The following PRKDC variants were observed in gnomAD, a reference collection of about 807,000 sequenced individuals.
PRKDC encodes DNA-dependent protein kinase catalytic subunit.
PRKDC carries 82 observed loss-of-function variants against 486.9 expected under a neutral mutation model. The observed-to-expected ratio is 0.17, with a 90% CI of 0.14 to 0.20. PRKDC has a LOEUF of 0.20. Among genes scored for constraint, PRKDC ranks in the 10% least tolerant of loss-of-function variants. The probability of loss-of-function intolerance (pLI) is 1.00; values close to 1 mark genes in which losing one functional copy is unlikely to be tolerated. For missense variants in PRKDC, 4,504 were observed against 5,038.2 expected (o/e 0.89, Z 3.21); for synonymous variants, 1,895 against 1,837.0 (o/e 1.03, Z -0.81).
At chr8:47,850,124 C>T (rs1047813168) in intron 52 of PRKDC, among the ~76,000 whole-genome samples, 1 of 152,168 alleles carries the variant, frequency 6.6e-6, no homozygotes, top group Non-Finnish European at 1.5e-5. Flanking sequence ...ATCCCTAGAA[C>T]CAGGAAGTCC....
chr8:47,823,136 C>T (rs2087644122), intron 64 of PRKDC, among the ~76,000 whole-genome samples: 1 of 151,916 alleles, frequency 6.6e-6, no homozygotes. Context: ...GAGTTCCCAA[C>T]CAGCCTGGGC....
intron 22 of PRKDC, among the ~76,000 whole-genome samples, chr8:47,916,751 G>A (rs939944577): frequency 3.3e-5 from 5 of 152,100 alleles, no homozygotes; most frequent in Non-Finnish European, 1.5e-5. Flanking sequence ...ACTTTTCTAC[G>A]CAGGCCTGCT....
At chr8:47,934,951 C>T in intron 14 of PRKDC, 58 bp downstream of exon 14, 3 of 1,337,954 alleles carry the variant, frequency 2.2e-6, no homozygotes, top group Non-Finnish European at 3.1e-6. Context: ...ACCTCAGCAA[C>T]ATTCCTAGCT....
At chr8:47,942,884 C>G (rs1477280211) in intron 10 of PRKDC, among the ~76,000 whole-genome samples, 1 of 152,194 alleles carries the variant, frequency 6.6e-6, no homozygotes, top group African/African-American at 2.4e-5. Flanking sequence ...CCCTCCTCTT[C>G]CAGGAGAGAT....
chr8:47,834,109 G>A (rs927012542), intron 59 of PRKDC, 87 bp downstream of exon 59: 43 of 1,495,610 alleles, frequency 2.9e-5, no homozygotes, highest in Admixed American at 1.0e-4. Context: ...AAGGAAACAT[G>A]GATACAGTCA....
At chr8:47,883,469 T>G (rs566572790) in intron 36 of PRKDC, among the ~76,000 whole-genome samples, 5 of 152,292 alleles carry the variant, frequency 3.3e-5, no homozygotes, top group African/African-American at 1.2e-4. Context: ...CCTTTGCTTC[T>G]GGGCTCCTCT....
chr8:47,934,067 G>A lies in PRKDC; in HGVS notation c.1521C>T (p.Asp507=). 1 of 1,613,666 alleles carries A rather than the reference G, an allele frequency of 6.2e-7. No individual in the cohort carries two copies. ...LPKGPESESE[D]HRASGEVRTG... is the part of the protein sequence containing the mutation. ...TTCTGACTTCCCCTGAAGCACGGTG[G>A]TCTTCAGATTCAGACTCAGGGCCCT... The change falls in exon 15 of 86, where the codon GAC becomes GAT. Residue 507 remains aspartate, a synonymous_variant. Transcript: ENST00000314191.
In PRKDC at chr8:47,881,459, T is replaced by A. The variant is rs754727089; in HGVS notation, c.5024A>T (p.Tyr1675Phe). ...HGSFPEVFTT[Y>F]ISLLADTKLD... The stretch of plus-strand genomic sequence containing the variant: ...CTTTGTGTCAGCAAGTAGACTAATA[T>A]ATGTTGTAAAGACTTCAGGGAATGA... Residue 1675 changes from tyrosine (Y) to phenylalanine (F), a missense_variant, in exon 38 of 86, where the codon TAT becomes TTT. Around this residue, in one of 6 missense-constraint regions of PRKDC, gnomAD observed 1,969 missense variants for 2,068.9 expected, o/e 0.95. Transcript: ENST00000314191. 1 of 1,575,504 alleles carries A rather than the reference T, an allele frequency of 6.3e-7. No homozygotes were observed.
chr8:47,849,566 A>G (rs1295108757), intron 52 of PRKDC, 63 bp from the exon 53 acceptor site: 1 of 1,556,140 alleles, frequency 6.4e-7, no homozygotes, highest in South Asian at 1.2e-5. Context: ...CATTGAAAGC[A>G]AAGTTTATCT....
intron 16 of PRKDC, among the ~76,000 whole-genome samples, chr8:47,931,514 A>G (rs1215962472): frequency 6.6e-6 from 1 of 151,534 alleles, no homozygotes; most frequent in African/African-American, 2.4e-5. Context: ...TTTTTTTAAT[A>G]AAATTATTTT....
Position 47,912,396 on chromosome 8 carries a change from T to C in PRKDC, c.2934+14A>G, listed in dbSNP as rs777952678. ...TTAGAAATTTTACAACTATTTCAGA[T>C]TCAAAGCCCTTACCTGATCAACATC... is the stretch of plus-strand genomic sequence containing the variant. On this transcript the variant is annotated intron_variant, in intron 25 of 85. Transcript: ENST00000314191. The C allele has an allele frequency of 1.3e-6, 2 of 1,508,334 alleles. No homozygotes were observed. Among genetic ancestry groups the C allele is most frequent in the East Asian group, 2.4e-5 (1 of 41,126 alleles). The allele number at this position is 1,508,334 out of a possible 1,614,324, so 93.4% of individuals were successfully genotyped here.
chr8:47,953,650 G>C lies in PRKDC; in HGVS notation c.691C>G (p.Leu231Val). The change falls in exon 7 of 86, where the codon CTG becomes GTG. Residue 231 changes from leucine (L) to valine (V), a missense_variant. Coordinates refer to ENST00000314191, the MANE Select transcript of PRKDC (RefSeq NM_006904.7). ...TCCATGGACTTAGTGAAGTTGCACAGAAGTGAGGACAACCCCTTCAGACAT... is the reference window on the plus strand; with the variant it reads ...TCCATGGACTTAGTGAAGTTGCACACAAGTGAGGACAACCCCTTCAGACAT... ...AGCLKGLSSLLCNFTKSMEED... is the reference protein window; with the variant it reads ...AGCLKGLSSLVCNFTKSMEED... 1 of 1,613,584 alleles carries C rather than the reference G, an allele frequency of 6.2e-7. No individual in the cohort carries two copies. The highest frequency in any genetic ancestry group is 8.5e-7 in the Non-Finnish European group (1 of 1,179,732).
At chr8:47,793,683 TAAAAAAAAAA>T (rs397892514) in intron 74 of PRKDC, among the ~76,000 whole-genome samples, 1 of 72,810 alleles carries the variant, frequency 1.4e-5, no homozygotes, top group African/African-American at 4.9e-5. Flanking sequence ...TTAAAAAAAC[TAAAAAAAAAA>T]AAAAAAAAAA....
intron 31 of PRKDC, among the ~76,000 whole-genome samples, chr8:47,891,589 G>A (rs894393687): frequency 6.6e-6 from 1 of 151,854 alleles, no homozygotes. Context: ...GCGTGGTGGC[G>A]GGCACCTGTA....
In PRKDC at chr8:47,935,455, A is replaced by G. The variant is rs377019743; in HGVS notation, c.1447+277T>C. ...GCAGTGGTTGCAGTGAGCCAAGATC[A>G]TGCCACTGCACTCCAGCCTGGGGGA... On this transcript the variant is annotated intron_variant, in intron 13 of 85. Transcript: ENST00000314191. Among the ~76,000 whole-genome samples, 600 of 152,128 alleles carry G rather than the reference A, an allele frequency of 3.9e-3. 4 individuals are homozygous for G. The highest frequency in any genetic ancestry group is 0.025 in the South Asian group (119 of 4,816).
At chr8:47,876,681 A>C (rs1477939246) in intron 40 of PRKDC, among the ~76,000 whole-genome samples, 1 of 152,026 alleles carries the variant, frequency 6.6e-6, no homozygotes, top group Admixed American at 6.6e-5. Context: ...AAAAATCAAC[A>C]ATCAGATATG....
At chr8:47,889,347 A>C in intron 32 of PRKDC, 125 bp from the exon 33 acceptor site, 1 of 742,106 alleles carries the variant, frequency 1.3e-6, no homozygotes, top group Non-Finnish European at 2.1e-6. Flanking sequence ...TTTCTCTGTA[A>C]AACGGGGGCA....
chr8:47,898,710 A>T, intron 28 of PRKDC, 141 bp from the exon 29 acceptor site: 1 of 507,890 alleles, frequency 2.0e-6, no homozygotes, highest in Non-Finnish European at 3.2e-6. Flanking sequence ...CATCCCTAAG[A>T]ATAATAAAAT....
At position 47,834,331 on chromosome 8, in the gene PRKDC, G is replaced by A. The variant is rs544940056; in HGVS notation, c.8017C>T (p.Pro2673Ser). ...GCAAACAGCAAGGAGTCAGATGAGG[G>A]ACTGGTGTGGTCGACCAGCGGGTCA... ...STDPLVDHTS[P>S]SSDSLLFAHK... is the part of the protein sequence containing the mutation. Residue 2673 changes from proline (P) to serine (S), a missense_variant, in exon 59 of 86, where the codon CCC (proline) becomes TCC (serine). By Grantham distance (74) the Pro-to-Ser change is moderately conservative. Coordinates refer to ENST00000314191, the MANE Select transcript of PRKDC (RefSeq NM_006904.7). The A allele has an allele frequency of 5.0e-6, 8 of 1,614,030 alleles. No individual in the cohort carries two copies. The highest frequency in any genetic ancestry group is 6.8e-6 in the Non-Finnish European group (8 of 1,179,904).
Sources: gnomAD v4.1 joint callset for allele counts (sites outside exome capture counted in the v4.1 genomes callset) on GRCh38, gnomAD v4.1.1 for gene constraint, gnomAD v4.1.1 regional missense constraint, MANE v1.5 for transcripts, NCBI Gene and HGNC (gene_info 2026-07-23, HGNC 2026-07-21) for gene names.